Variants in VPS13B observed in about 807,000 individuals in gnomAD.
VPS13B encodes the protein vacuolar protein sorting 13 homolog B.
In VPS13B, 285 loss-of-function variants were observed where a neutral mutation model predicts 426.4. The ratio of observed to expected loss-of-function variants is 0.67; its 90% CI spans 0.61 to 0.74. The LOEUF is 0.74. Ranked by LOEUF, VPS13B falls within the 30% of genes least tolerant of loss-of-function variation. VPS13B has a pLI of 0.00. For synonymous variants in VPS13B, 1,676 were observed against 1,676.4 expected, an observed-to-expected ratio of 1.00 and a Z score of 0.01; for missense variants, 4,537 against 4,782.6, an observed-to-expected ratio of 0.95 and a Z score of 1.51.
chr8:99,769,467 A>G (rs538333577), intron 40 of VPS13B, among the ~76,000 whole-genome samples: 2 of 152,320 alleles, frequency 1.3e-5, no homozygotes, highest in South Asian at 4.1e-4. Flanking sequence ...TGGTACTTTT[A>G]TGATTAGAGA....
intron 61 of VPS13B, chr8:99,873,088 G>A (rs2130981915): frequency 6.6e-6 from 1 of 152,330 alleles, no homozygotes. Flanking sequence ...GATTTGGCAA[G>A]GGATAATATC....
At chr8:99,307,531 C>A (rs1820707327) in intron 19 of VPS13B, among the ~76,000 whole-genome samples, 1 of 151,888 alleles carries the variant, frequency 6.6e-6, no homozygotes, top group Non-Finnish European at 1.5e-5. Context: ...GATACTGAGT[C>A]CCTTTTGGTT....
At chr8:99,048,716 G>A (rs1843361866) in intron 3 of VPS13B, among the ~76,000 whole-genome samples, 1 of 151,968 alleles carries the variant, frequency 6.6e-6, no homozygotes, top group South Asian at 2.1e-4. Flanking sequence ...TCAGGGGGCT[G>A]AGGCAGGAGA....
intron 6 of VPS13B, among the ~76,000 whole-genome samples, chr8:99,113,944 T>C (rs962929269): frequency 7.2e-5 from 11 of 152,096 alleles, no homozygotes; most frequent in Non-Finnish European, 1.5e-4. Context: ...AATTTTCCAT[T>C]TTTTTTGTGT....
At chr8:99,789,247 A>C (rs1479433573) in intron 43 of VPS13B, among the ~76,000 whole-genome samples, 1 of 152,146 alleles carries the variant, frequency 6.6e-6, no homozygotes, top group East Asian at 1.9e-4. Flanking sequence ...ATGCTTTACA[A>C]ATCCGTTTAT....
intron 14 of VPS13B, among the ~76,000 whole-genome samples, chr8:99,151,185 G>C (rs978281676): frequency 6.6e-6 from 1 of 152,032 alleles, no homozygotes; most frequent in Non-Finnish European, 1.5e-5. Flanking sequence ...TCTTTGGTGA[G>C]GTATCTCTTC....
At chr8:99,354,247 T>G (rs968488075) in intron 19 of VPS13B, among the ~76,000 whole-genome samples, 4 of 142,816 alleles carry the variant, frequency 2.8e-5, no homozygotes, top group Non-Finnish European at 6.1e-5. Flanking sequence ...AGCATTCTAC[T>G]GTAGCCCCCT....
intron 3 of VPS13B, among the ~76,000 whole-genome samples, chr8:99,082,083 G>A (rs559218080): frequency 2.0e-5 from 3 of 152,174 alleles, no homozygotes; most frequent in Non-Finnish European, 4.4e-5. Flanking sequence ...CACCAACAGT[G>A]TAAAAGTGTT....
intron 4 of VPS13B, among the ~76,000 whole-genome samples, chr8:99,098,448 T>G (rs555752446): frequency 2.3e-4 from 35 of 152,324 alleles, no homozygotes; most frequent in Admixed American, 1.0e-3. Context: ...TCACATTTTT[T>G]ACGTTGTTAT....
intron 43 of VPS13B, among the ~76,000 whole-genome samples, chr8:99,800,905 CAT>C (rs1185470707): frequency 2.6e-5 from 4 of 152,188 alleles, no homozygotes; most frequent in East Asian, 3.9e-4. Flanking sequence ...TTGCTAGAAA[CAT>C]GTGAAATTTG....
intron 19 of VPS13B, among the ~76,000 whole-genome samples, chr8:99,357,924 T>C (rs553072850): frequency 2.4e-4 from 36 of 152,134 alleles, no homozygotes; most frequent in Non-Finnish European, 1.8e-4. Flanking sequence ...TATGTGACCA[T>C]GGGCAACTTT....
At chr8:99,332,590 A>G (rs1251470525) in intron 19 of VPS13B, among the ~76,000 whole-genome samples, 1 of 151,544 alleles carries the variant, frequency 6.6e-6, no homozygotes, top group Non-Finnish European at 1.5e-5. Flanking sequence ...TGTTACCCTT[A>G]CTCTGCATCC....
At chr8:99,378,770 C>T (rs1187801907) in intron 19 of VPS13B, among the ~76,000 whole-genome samples, 1 of 152,110 alleles carries the variant, frequency 6.6e-6, no homozygotes, top group Admixed American at 6.6e-5. Context: ...ATTTTTGACT[C>T]TTATTAACAG....
At chr8:99,746,336 G>A (rs913394468) in intron 39 of VPS13B, among the ~76,000 whole-genome samples, 1 of 152,080 alleles carries the variant, frequency 6.6e-6, no homozygotes, top group Non-Finnish European at 1.5e-5. Context: ...TGATCAGGTA[G>A]TATTAGTCTG....
intron 6 of VPS13B, among the ~76,000 whole-genome samples, chr8:99,114,241 T>G (rs974314611): frequency 2.0e-5 from 3 of 151,990 alleles, no homozygotes; most frequent in Admixed American, 6.6e-5. Flanking sequence ...GGGGAGTGCC[T>G]ATGTCATACT....
intron 26 of VPS13B, 67 bp downstream of exon 26, chr8:99,501,925 TCCC>T (rs2133610556): frequency 7.6e-7 from 1 of 1,308,384 alleles, no homozygotes. Context: ...CCTCCCTCCC[TCCC>T]TTCCTTCCTT....
intron 19 of VPS13B, among the ~76,000 whole-genome samples, chr8:99,314,995 T>A (rs73285995): frequency 0.017 from 2,537 of 152,326 alleles, 63 homozygotes; most frequent in African/African-American, 0.058. Flanking sequence ...TTTCCATCTT[T>A]ATGTGTCTTT....
chr8:99,575,641 T>C lies in VPS13B; in HGVS notation c.4950-17T>C. Reference sequence around the variant, plus strand: ...AAAATAATGAAATGGCTAATAATCTTTTACTCTATCTTTTAGCATACGGCG... The same window carrying C: ...AAAATAATGAAATGGCTAATAATCTCTTACTCTATCTTTTAGCATACGGCG... On this transcript the variant is annotated splice_polypyrimidine_tract_variant and intron_variant, in intron 31 of 61. Transcript: ENST00000357162. 2 of 1,613,572 alleles carry C rather than the reference T, an allele frequency of 1.2e-6. No homozygotes were observed. The highest frequency in any genetic ancestry group is 1.7e-6 in the Non-Finnish European group (2 of 1,179,734).
chr8:99,060,025 T>C (rs1055396496), intron 3 of VPS13B, among the ~76,000 whole-genome samples: 1 of 152,088 alleles, frequency 6.6e-6, no homozygotes, highest in Non-Finnish European at 1.5e-5. Flanking sequence ...CGTGAGCCAC[T>C]CTGCAGGCCA....
Sources: allele counts gnomAD v4.1 joint callset (sites outside exome capture counted in the v4.1 genomes callset), GRCh38; gene constraint gnomAD v4.1.1; transcripts MANE v1.5; gene names NCBI Gene and HGNC (gene_info 2026-07-23, HGNC 2026-07-21).